Variants in MTUS2 observed in about 807,000 individuals in gnomAD.
MTUS2 encodes the protein microtubule-associated tumor suppressor candidate 2.
MTUS2 carries 40 observed loss-of-function variants against 114.1 expected under a neutral mutation model. That is an observed-to-expected ratio of 0.35 (90% CI 0.27 to 0.46). The LOEUF is 0.46. Ranked by LOEUF, MTUS2 falls within the 20% of genes least tolerant of loss-of-function variation. MTUS2 has a pLI of 1.00. For synonymous variants in MTUS2, 688 were observed against 672.0 expected (o/e 1.02, Z -0.37); for missense variants, 1,679 against 1,705.4 (o/e 0.98, Z 0.27).
At chr13:29,062,923 AT>A (rs1160283215) in intron 4 of MTUS2, among the ~76,000 whole-genome samples, 2 of 152,074 alleles carry the variant, frequency 1.3e-5, no homozygotes, top group Non-Finnish European at 2.9e-5. Context: ...ATCTTACATC[AT>A]TTTCGTGTTT....
At chr13:28,871,535 T>C (rs1266505209) in intron 2 of MTUS2, among the ~76,000 whole-genome samples, 1 of 152,230 alleles carries the variant, frequency 6.6e-6, no homozygotes, top group Non-Finnish European at 1.5e-5. Context: ...ATTCATTCAT[T>C]TACCCCATAA....
chr13:29,401,584 C>G (rs778286391), intron 8 of MTUS2, among the ~76,000 whole-genome samples: 1 of 152,160 alleles, frequency 6.6e-6, no homozygotes, highest in Non-Finnish European at 1.5e-5. Context: ...GCTGCTGTCT[C>G]AACACCACTG....
At chr13:28,837,725 C>T (rs1839766221) in intron 1 of MTUS2, among the ~76,000 whole-genome samples, 2 of 152,166 alleles carry the variant, frequency 1.3e-5, no homozygotes, top group Non-Finnish European at 2.9e-5. Context: ...AGCTCTTTAT[C>T]TATGACCATA....
intron 9 of MTUS2, among the ~76,000 whole-genome samples, chr13:29,444,218 G>A (rs1224466727): frequency 2.0e-5 from 3 of 152,170 alleles, no homozygotes; most frequent in African/African-American, 7.2e-5. Context: ...GAGGTCAGGA[G>A]TTGGAGACCA....
chr13:29,279,791 G>A (rs145982978), intron 5 of MTUS2, among the ~76,000 whole-genome samples: 35 of 152,306 alleles, frequency 2.3e-4, no homozygotes, highest in East Asian at 2.1e-3. Flanking sequence ...CTAAATTGAC[G>A]TGTTCACAGA....
At chr13:28,848,216 A>G (rs918586420) in intron 2 of MTUS2, among the ~76,000 whole-genome samples, 13 of 152,206 alleles carry the variant, frequency 8.5e-5, no homozygotes, top group Admixed American at 7.2e-4. Flanking sequence ...CTATCTTTCC[A>G]AGAATTTACT....
intron 9 of MTUS2, among the ~76,000 whole-genome samples, chr13:29,444,959 A>C (rs1190272048): frequency 6.6e-6 from 1 of 152,156 alleles, no homozygotes. Context: ...CCTCCTGGTT[A>C]GATGGACTTT....
chr13:29,393,987 A>G (rs1363574555), intron 8 of MTUS2, among the ~76,000 whole-genome samples: 1 of 152,178 alleles, frequency 6.6e-6, no homozygotes. Flanking sequence ...ACAGAATGGG[A>G]GGCAGGTTTG....
intron 2 of MTUS2, among the ~76,000 whole-genome samples, chr13:28,920,920 GC>G (rs1451016134): frequency 6.6e-6 from 1 of 152,126 alleles, no homozygotes; most frequent in African/African-American, 2.4e-5. Flanking sequence ...GGTGAATGCT[GC>G]CAGGCTTGGG....
chr13:29,322,430 G>T (rs1450339248), intron 6 of MTUS2, among the ~76,000 whole-genome samples: 1 of 152,204 alleles, frequency 6.6e-6, no homozygotes, highest in Non-Finnish European at 1.5e-5. Context: ...CCAGCCTTCT[G>T]TGAGCCCTGA....
At position 29,025,178 on chromosome 13, in the gene MTUS2, G is replaced by C. The variant is rs977197037; in HGVS notation, c.480G>C (p.Lys160Asn). ...RDAEIPRHVP[K>N]DKLAKTLDNE... is the part of the protein sequence containing the mutation. ...CTGAAATTCCCCGGCATGTTCCCAA[G>C]GATAAACTGGCAAAGACCCTTGACA... is the stretch of plus-strand genomic sequence containing the variant. The change falls in exon 3 of 16, where the codon AAG becomes AAC. Residue 160 changes from lysine (K) to asparagine (N), a missense_variant. Physicochemically the swap from Lys to Asn is moderately conservative, Grantham distance 94 (BLOSUM62 0). This residue lies in a region of MTUS2 where 843 missense variants were observed against 770.8 expected (regional missense o/e 1.09). Coordinates refer to ENST00000612955, the MANE Select transcript of MTUS2 (RefSeq NM_001033602.4). 2.5e-6 allele frequency: 4 copies of C among 1,613,862 alleles called. No homozygotes were observed. In the African/African-American group the frequency reaches 5.3e-5, roughly 22 times the overall value.
intron 2 of MTUS2, among the ~76,000 whole-genome samples, chr13:28,905,625 G>T (rs895671414): frequency 2.0e-5 from 3 of 151,546 alleles, no homozygotes; most frequent in Non-Finnish European, 2.9e-5. Flanking sequence ...TGGTGGATAA[G>T]CTTTTTGATG....
chr13:29,113,726 A>G (rs776026681), intron 5 of MTUS2, among the ~76,000 whole-genome samples: 1 of 152,080 alleles, frequency 6.6e-6, no homozygotes, highest in Non-Finnish European at 1.5e-5. Flanking sequence ...CAAGATTCAC[A>G]ATGGCAGTTA....
At chr13:29,158,358 C>CCCCCTCCTTCTTT in intron 5 of MTUS2, among the ~76,000 whole-genome samples, 1 of 32,048 alleles carries the variant, frequency 3.1e-5, no homozygotes, top group Non-Finnish European at 5.1e-5. Context: ...GTCCACCCCG[C>CCCCCTCCTTCTTT]TTTTTTTTTT....
At position 29,501,049 on chromosome 13, in the gene MTUS2, C is replaced by T. The variant is rs200120895; in HGVS notation, c.3799-48C>T. On this transcript the variant is annotated intron_variant, in intron 14 of 15. Transcript: ENST00000612955. ...AGAGCTGAGGGCACCGGTTTACTCC[C>T]GATTTTATGGCCTTGCTAGAACCTC... 4.4e-4 allele frequency: 681 copies of T among 1,532,408 alleles called. 2 individuals are homozygous for T. In the African/African-American group the frequency reaches 8.1e-3, roughly 18 times the overall value. 94.9% of individuals were successfully genotyped at this position (1,532,408 alleles called of 1,614,324 possible).
At chr13:29,168,495 G>A (rs966782369) in intron 5 of MTUS2, among the ~76,000 whole-genome samples, 1 of 152,166 alleles carries the variant, frequency 6.6e-6, no homozygotes, top group African/African-American at 2.4e-5. Flanking sequence ...TCATCTTAGA[G>A]TTGAATAGAT....
intron 5 of MTUS2, among the ~76,000 whole-genome samples, chr13:29,165,105 C>T (rs960495493): frequency 6.6e-6 from 1 of 152,222 alleles, no homozygotes; most frequent in Admixed American, 6.5e-5. Context: ...TTCCTCCTCC[C>T]TGCTCTCTGG....
chr13:28,942,660 A>G lies in MTUS2; in HGVS notation c.-242-81797A>G, dbSNP rs948212508. ...AGTAGAGCTGTTGTTACATGGTGAC[A>G]TGGATACATCTCAGTGTTGAGTGAA... On this transcript the variant is annotated intron_variant, in intron 2 of 15. Coordinates refer to ENST00000612955, the MANE Select transcript of MTUS2 (RefSeq NM_001033602.4). Among the ~76,000 whole-genome samples, 8 of 152,260 alleles carry G rather than the reference A, an allele frequency of 5.3e-5. No individual in the cohort carries two copies. In the East Asian group the frequency reaches 1.5e-3, roughly 29 times the overall value.
intron 2 of MTUS2, among the ~76,000 whole-genome samples, chr13:28,894,106 G>T (rs1879086911): frequency 6.6e-6 from 1 of 151,554 alleles, no homozygotes; most frequent in Admixed American, 6.6e-5. Flanking sequence ...GCTATGGACT[G>T]AATTGTGTAC....
Sources: gnomAD v4.1 joint callset for allele counts (sites outside exome capture counted in the v4.1 genomes callset) on GRCh38, gnomAD v4.1.1 for gene constraint, gnomAD v4.1.1 regional missense constraint, MANE v1.5 for transcripts, NCBI Gene and HGNC (gene_info 2026-07-23, HGNC 2026-07-21) for gene names.